The following PDE4B variants were observed in gnomAD, a reference collection of about 807,000 sequenced individuals.
PDE4B encodes the protein 3',5'-cyclic-AMP phosphodiesterase 4B.
PDE4B carries 20 observed loss-of-function variants against 82.2 expected under a neutral mutation model. The ratio of observed to expected loss-of-function variants is 0.24; its 90% CI spans 0.17 to 0.35. PDE4B has a LOEUF of 0.35. Among genes scored for constraint, PDE4B ranks in the 10% least tolerant of loss-of-function variants. The probability of loss-of-function intolerance (pLI) is 1.00; values close to 1 mark genes in which losing one functional copy is unlikely to be tolerated. For synonymous variants in PDE4B, 320 were observed against 318.9 expected, an observed-to-expected ratio of 1.00 and a Z score of -0.04; for missense variants, 655 against 907.2, an observed-to-expected ratio of 0.72 and a Z score of 3.57.
chr1:65,973,666 A>T (rs995497423), intron 3 of PDE4B, among the ~76,000 whole-genome samples: 2 of 152,218 alleles, frequency 1.3e-5, no homozygotes, highest in African/African-American at 4.8e-5. Context: ...AAAAGGAACA[A>T]CACAAGATCT....
chr1:65,831,507 T>C (rs1222131512), intron 1 of PDE4B, among the ~76,000 whole-genome samples: 1 of 152,172 alleles, frequency 6.6e-6, no homozygotes, highest in Non-Finnish European at 1.5e-5. Flanking sequence ...GTTCTATGGC[T>C]ATTAAGTAAA....
At chr1:65,943,026 T>A (rs1648527213) in intron 3 of PDE4B, among the ~76,000 whole-genome samples, 1 of 151,982 alleles carries the variant, frequency 6.6e-6, no homozygotes, top group Admixed American at 6.6e-5. Context: ...ATAATCCCAA[T>A]TGTTTATTTT....
At chr1:66,199,135 A>G (rs1001544941) in intron 3 of PDE4B, among the ~76,000 whole-genome samples, 9 of 151,804 alleles carry the variant, frequency 5.9e-5, no homozygotes, top group Non-Finnish European at 1.0e-4. Context: ...CAGTAATGGG[A>G]TGGCTGGGTC....
chr1:65,862,343 G>T (rs1646463587), intron 1 of PDE4B, among the ~76,000 whole-genome samples: 2 of 152,088 alleles, frequency 1.3e-5, no homozygotes, highest in South Asian at 4.1e-4. Flanking sequence ...TTATGTGATG[G>T]ATTACATTTA....
chr1:66,064,129 A>T (rs933723827), intron 3 of PDE4B, among the ~76,000 whole-genome samples: 1 of 152,002 alleles, frequency 6.6e-6, no homozygotes, highest in African/African-American at 2.4e-5. Context: ...AATATTACTT[A>T]TATTTTAGGT....
rs913780474 is a variant in PDE4B at position 65,855,911 on chromosome 1, G to C, written c.-70-57334G>C. 1.5e-4 allele frequency among the ~76,000 whole-genome samples: 23 copies of C among 152,078 alleles called. 1 individual carries two copies. Among genetic ancestry groups the C allele is most frequent in the Non-Finnish European group, 7.4e-5 (5 of 68,012 alleles). On this transcript the variant is annotated intron_variant, in intron 1 of 16. Coordinates refer to ENST00000341517, the MANE Select transcript of PDE4B (RefSeq NM_002600.4). ...TTTGCCTGCAGTCATAGTGATTGCA[G>C]TCCTGTATCATCTCTTTTTCTAGGT...
intron 3 of PDE4B, among the ~76,000 whole-genome samples, chr1:65,989,908 G>A (rs1352830598): frequency 3.6e-5 from 2 of 55,348 alleles, no homozygotes; most frequent in African/African-American, 6.0e-5. Flanking sequence ...TTTTTTTTTG[G>A]CAGTTTGGCT....
intron 1 of PDE4B, among the ~76,000 whole-genome samples, chr1:65,800,269 A>T (rs1315415528): frequency 6.6e-6 from 1 of 152,238 alleles, no homozygotes; most frequent in Non-Finnish European, 1.5e-5. Flanking sequence ...TTCTGTGACT[A>T]GTACAACTCC....
chr1:66,126,111 T>C (rs1395746247), intron 3 of PDE4B, among the ~76,000 whole-genome samples: 1 of 152,176 alleles, frequency 6.6e-6, no homozygotes, highest in Non-Finnish European at 1.5e-5. Context: ...CACCCAACAT[T>C]GTATTGTTAA....
intron 3 of PDE4B, among the ~76,000 whole-genome samples, chr1:65,987,910 G>A (rs1048081620): frequency 6.6e-6 from 1 of 152,150 alleles, no homozygotes; most frequent in Non-Finnish European, 1.5e-5. Flanking sequence ...AACTGTACCC[G>A]GACTTGCGTC....
intron 3 of PDE4B, among the ~76,000 whole-genome samples, chr1:66,154,784 G>C (rs1646470802): frequency 6.6e-6 from 1 of 152,134 alleles, no homozygotes; most frequent in African/African-American, 2.4e-5. Flanking sequence ...CTTTGCCTTT[G>C]CTCAAGGAAT....
At chr1:66,016,280 T>G (rs1255044551) in intron 3 of PDE4B, among the ~76,000 whole-genome samples, 1 of 152,212 alleles carries the variant, frequency 6.6e-6, no homozygotes, top group Non-Finnish European at 1.5e-5. Context: ...ACTCATTAAT[T>G]CAGTCTCAAA....
intron 3 of PDE4B, among the ~76,000 whole-genome samples, chr1:66,100,987 C>T (rs924982300): frequency 6.6e-6 from 1 of 152,156 alleles, no homozygotes; most frequent in Non-Finnish European, 1.5e-5. Flanking sequence ...CATCCTCCCC[C>T]CACCCCACAA....
chr1:66,342,580 A>G (rs1396930937), intron 8 of PDE4B, among the ~76,000 whole-genome samples: 1 of 151,274 alleles, frequency 6.6e-6, no homozygotes, highest in African/African-American at 2.4e-5. Context: ...AAAAGAAAAA[A>G]AATTAGCTGG....
intron 7 of PDE4B, among the ~76,000 whole-genome samples, chr1:66,277,615 T>C (rs557736): frequency 0.55 from 82,793 of 151,530 alleles, 23,185 homozygotes; most frequent in Non-Finnish European, 0.61. Context: ...AGGCTGGTCT[T>C]CAACTCCTAA....
chr1:66,367,476 A>G (rs1227501755), intron 13 of PDE4B: 4 of 402,798 alleles, frequency 9.9e-6, no homozygotes, highest in Admixed American at 4.1e-5. Context: ...AATGAATTTT[A>G]ATCACAGGGA....
At chr1:65,841,176 T>G (rs1646202309) in intron 1 of PDE4B, among the ~76,000 whole-genome samples, 1 of 152,070 alleles carries the variant, frequency 6.6e-6, no homozygotes, top group Non-Finnish European at 1.5e-5. Context: ...CACATGCCTG[T>G]AATCCCAGCT....
intron 1 of PDE4B, among the ~76,000 whole-genome samples, chr1:65,818,928 C>A (rs1051175459): frequency 7.9e-5 from 12 of 151,980 alleles, no homozygotes; most frequent in Non-Finnish European, 1.6e-4. Flanking sequence ...TAAAACACCC[C>A]CAAATTTCAG....
chr1:66,281,451 T>C (rs1178002415), intron 7 of PDE4B, among the ~76,000 whole-genome samples: 1 of 152,234 alleles, frequency 6.6e-6, no homozygotes, highest in Non-Finnish European at 1.5e-5. Context: ...AGTGGGTTTC[T>C]CTGGGAGGTG....
Sources: allele counts gnomAD v4.1 joint callset (sites outside exome capture counted in the v4.1 genomes callset), GRCh38; gene constraint gnomAD v4.1.1; transcripts MANE v1.5; gene names NCBI Gene and HGNC (gene_info 2026-07-23, HGNC 2026-07-21).